Variants in THSD7B observed in about 807,000 individuals in gnomAD.
The protein encoded by THSD7B is thrombospondin type 1 domain containing 7B.
In THSD7B, 138 loss-of-function variants were observed where a neutral mutation model predicts 213.6. That is an observed-to-expected ratio of 0.65 (90% CI 0.56 to 0.74). THSD7B has a LOEUF of 0.74. Ranked by LOEUF, THSD7B falls within the 30% of genes least tolerant of loss-of-function variation. THSD7B has a pLI of 0.00. For missense variants in THSD7B, 1,931 were observed against 1,991.5 expected, an observed-to-expected ratio of 0.97 and a Z score of 0.58; for synonymous variants, 742 against 687.0, an observed-to-expected ratio of 1.08 and a Z score of -1.25.
chr2:137,569,751 T>C (rs1393055806), intron 16 of THSD7B, among the ~76,000 whole-genome samples: 1 of 152,088 alleles, frequency 6.6e-6, no homozygotes, highest in African/African-American at 2.4e-5. Context: ...ACTTGTCCTC[T>C]CCCATGTTCT....
rs574787654 is a variant in THSD7B, at chr2:137,409,911, G to C, written c.2696-1698G>C. The stretch of plus-strand genomic sequence containing the variant: ...TTCCAGGGCTTTGGCTTTGTTTCTT[G>C]TTTTTGTTGTTGTTTGTTTGTTGCT... On this transcript the variant is annotated intron_variant, in intron 13 of 27. Transcript: ENST00000409968. Among the ~76,000 whole-genome samples the C allele has an allele frequency of 5.9e-5, 9 of 152,284 alleles. No individual in the cohort carries two copies. The South Asian group carries it at 1.9e-3, about 32-fold the overall frequency.
chr2:137,100,494 G>A (rs1054905389), intron 4 of THSD7B, among the ~76,000 whole-genome samples: 3 of 151,872 alleles, frequency 2.0e-5, no homozygotes, highest in East Asian at 3.9e-4. Context: ...CCCAGAACAC[G>A]ACAATCGTGT....
At chr2:137,304,824 C>A (rs1292918362) in intron 12 of THSD7B, among the ~76,000 whole-genome samples, 1 of 151,870 alleles carries the variant, frequency 6.6e-6, no homozygotes, top group East Asian at 1.9e-4. Flanking sequence ...AGCAACTGTG[C>A]CTCAAAATAA....
chr2:136,928,753 GAAGAAA>G (rs2105043785), intron 2 of THSD7B, among the ~76,000 whole-genome samples: 1 of 152,176 alleles, frequency 6.6e-6, no homozygotes, highest in East Asian at 1.9e-4. Context: ...ATATTTAACA[GAAGAAA>G]ATTATAATTA....
chr2:137,236,760 T>TA (rs541982586), intron 9 of THSD7B, among the ~76,000 whole-genome samples: 1 of 152,086 alleles, frequency 6.6e-6, no homozygotes, highest in African/African-American at 2.4e-5. Context: ...GAGGTGTAGC[T>TA]AAAAAATGGC....
At chr2:137,206,872 T>TA (rs1680994937) in intron 7 of THSD7B, among the ~76,000 whole-genome samples, 1 of 151,980 alleles carries the variant, frequency 6.6e-6, no homozygotes, top group African/African-American at 2.4e-5. Context: ...GAATACAAAT[T>TA]AATATATTGA....
intron 10 of THSD7B, among the ~76,000 whole-genome samples, chr2:137,244,887 G>A (rs1281974613): frequency 6.6e-6 from 1 of 152,150 alleles, no homozygotes; most frequent in Non-Finnish European, 1.5e-5. Context: ...GGAGGAAATT[G>A]TATCTATAAG....
chr2:136,773,351 G>A (rs1267156738), intron 1 of THSD7B, among the ~76,000 whole-genome samples: 1 of 152,042 alleles, frequency 6.6e-6, no homozygotes, highest in East Asian at 1.9e-4. Flanking sequence ...AAGTCGGGAG[G>A]TGCATGCAGG....
intron 1 of THSD7B, among the ~76,000 whole-genome samples, chr2:136,773,012 CAA>C (rs1488973224): frequency 6.6e-6 from 1 of 152,046 alleles, no homozygotes; most frequent in Non-Finnish European, 1.5e-5. Flanking sequence ...TCAGAAAAGT[CAA>C]AGTTGTAAAG....
intron 10 of THSD7B, among the ~76,000 whole-genome samples, chr2:137,255,396 T>C (rs1682283533): frequency 6.6e-6 from 1 of 152,122 alleles, no homozygotes; most frequent in Admixed American, 6.6e-5. Flanking sequence ...ATCAGTTTCT[T>C]GTTGCCAAAG....
intron 15 of THSD7B, among the ~76,000 whole-genome samples, chr2:137,520,009 T>G (rs1253896253): frequency 6.6e-6 from 1 of 152,178 alleles, no homozygotes; most frequent in African/African-American, 2.4e-5. Context: ...CCCTGAGGCA[T>G]GGAGAATAAT....
intron 2 of THSD7B, among the ~76,000 whole-genome samples, chr2:136,885,059 T>C (rs1368223582): frequency 2.0e-5 from 3 of 152,184 alleles, no homozygotes; most frequent in Non-Finnish European, 4.4e-5. Flanking sequence ...GTATTGCAGT[T>C]GAAATTAGCT....
chr2:136,976,015 G>C (rs12104880), intron 2 of THSD7B, among the ~76,000 whole-genome samples: 17,181 of 152,186 alleles, frequency 0.11, 1,114 homozygotes, highest in African/African-American at 0.17. Flanking sequence ...AGGAATGCTT[G>C]TGATTTTAGC....
chr2:137,285,325 G>A (rs2104824792), intron 12 of THSD7B, among the ~76,000 whole-genome samples: 1 of 152,214 alleles, frequency 6.6e-6, no homozygotes, highest in Middle Eastern at 3.4e-3. Context: ...CCTGAATATA[G>A]CACACGGATG....
intron 7 of THSD7B, among the ~76,000 whole-genome samples, chr2:137,227,715 A>G (rs17197681): frequency 0.3 from 45,060 of 152,038 alleles, 7,216 homozygotes; most frequent in Non-Finnish European, 0.35. Context: ...ATGTCAATAA[A>G]AGGATCTGTG....
In THSD7B at chr2:137,663,529, A is replaced by C; in HGVS notation, c.4605A>C (p.Lys1535Asn). The change falls in exon 26 of 28, where the codon AAA (lysine) becomes AAC (asparagine). Residue 1535 changes from lysine (K) to asparagine (N), a missense_variant. By Grantham distance (94) the Lys-to-Asn change is moderately conservative. Transcript: ENST00000409968. The stretch of plus-strand genomic sequence containing the variant: ...GGAAAAACAGACCTGTGAATTCAAA[A>C]ATACATGATATTTTTAAAGGATGGT... ...LSGKNRPVNS[K>N]IHDIFKGWSL... The C allele has an allele frequency of 1.9e-6, 3 of 1,609,294 alleles. No homozygotes were observed. The highest frequency in any genetic ancestry group is 1.7e-4 in the Middle Eastern group (1 of 6,056).
chr2:137,563,756 G>C (rs533641993), intron 16 of THSD7B, among the ~76,000 whole-genome samples: 19 of 152,164 alleles, frequency 1.2e-4, no homozygotes, highest in African/African-American at 4.6e-4. Context: ...TAATTAAAAA[G>C]GTTAATTTAA....
chr2:137,042,204 C>A (rs1282119078), intron 2 of THSD7B, among the ~76,000 whole-genome samples: 1 of 152,100 alleles, frequency 6.6e-6, no homozygotes, highest in Non-Finnish European at 1.5e-5. Flanking sequence ...TGTTCACATC[C>A]TGTAAAGGAC....
intron 12 of THSD7B, among the ~76,000 whole-genome samples, chr2:137,359,508 G>A (rs1292691953): frequency 6.6e-6 from 1 of 152,186 alleles, no homozygotes; most frequent in Non-Finnish European, 1.5e-5. Flanking sequence ...ACTACCAAGA[G>A]GGGTATGGGG....
Sources: gnomAD v4.1 joint callset for allele counts (sites outside exome capture counted in the v4.1 genomes callset) on GRCh38, gnomAD v4.1.1 for gene constraint, MANE v1.5 for transcripts, NCBI Gene and HGNC (gene_info 2026-07-23, HGNC 2026-07-21) for gene names.